Variants in PCDHGA1 observed in about 807,000 individuals in gnomAD.
PCDHGA1 encodes the protein protocadherin gamma subfamily A, 1.
A neutral mutation model predicts 58.0 loss-of-function variants in PCDHGA1; 32 were observed. That is an observed-to-expected ratio of 0.55 (90% CI 0.42 to 0.74). The LOEUF is 0.74. Ranked by LOEUF, PCDHGA1 falls within the 30% of genes least tolerant of loss-of-function variation. PCDHGA1 has a pLI of 0.00. For missense variants in PCDHGA1, 1,205 were observed against 1,182.3 expected (o/e 1.02, Z -0.28); for synonymous variants, 498 against 501.1 (o/e 0.99, Z 0.08).
chr5:141,375,784 C>A (rs562973702), intron 1 of PCDHGA1: 7 of 1,614,254 alleles, frequency 4.3e-6, no homozygotes, highest in Non-Finnish European at 5.1e-6. Flanking sequence ...ACCCCGCCCT[C>A]CCCACAGACG....
At chr5:141,339,748 C>A (rs1220367601) in intron 1 of PCDHGA1, 1 of 1,614,096 alleles carries the variant, frequency 6.2e-7, no homozygotes, top group Admixed American at 1.7e-5. Context: ...TCGTGGGCAC[C>A]CGGATACTCA....
At chr5:141,375,557 G>T (rs1160596322) in intron 1 of PCDHGA1, 1 of 1,613,988 alleles carries the variant, frequency 6.2e-7, no homozygotes, top group Admixed American at 1.7e-5. Context: ...CTACTCACTG[G>T]CAGAAGACAC....
At chr5:141,466,974 C>G (rs1314224956) in intron 1 of PCDHGA1, among the ~76,000 whole-genome samples, 1 of 151,944 alleles carries the variant, frequency 6.6e-6, no homozygotes, top group Non-Finnish European at 1.5e-5. Context: ...TCTCACAGCT[C>G]ATCATTTACC....
Position 141,478,316 on chromosome 5 carries a change from C to T in PCDHGA1, c.2422-16491C>T, listed in dbSNP as rs776948755. ...CCTATACCGAGCCCCGGTGAGCTCA[C>T]TGTACCGAACACCAGGGCCCTCCTT... On this transcript the variant is annotated intron_variant, in intron 1 of 3. Coordinates refer to ENST00000517417, the MANE Select transcript of PCDHGA1 (RefSeq NM_018912.3). 120 of 1,613,924 alleles carry T rather than the reference C, an allele frequency of 7.4e-5. 2 individuals carry two copies. In the South Asian group the frequency reaches 1.3e-3, roughly 18 times the overall value.
At chr5:141,379,501 T>C (rs969965140) in intron 1 of PCDHGA1, 7 of 152,268 alleles carry the variant, frequency 4.6e-5, no homozygotes, top group Non-Finnish European at 8.8e-5. Context: ...CAATTTGGGA[T>C]GTTAAACTAC....
intron 3 of PCDHGA1, chr5:141,507,424 G>C (rs577364087): frequency 6.6e-6 from 1 of 152,202 alleles, no homozygotes; most frequent in African/African-American, 2.4e-5. Context: ...GGTTAAGTGG[G>C]GCCAGGCCTA....
At position 141,490,370 on chromosome 5, in the gene PCDHGA1, G is replaced by A. The variant is rs768474199; in HGVS notation, c.2422-4437G>A. Reference sequence around the variant, plus strand: ...GTGGGGTTGTTTAATGTGCGAGACCGGGACTCAGGTAGAAATGGTGAAGTG... The same window carrying A: ...GTGGGGTTGTTTAATGTGCGAGACCAGGACTCAGGTAGAAATGGTGAAGTG... On this transcript the variant is annotated intron_variant, in intron 1 of 3. Coordinates refer to ENST00000517417, the MANE Select transcript of PCDHGA1 (RefSeq NM_018912.3). The surrounding 1 kb of genome is among the most constrained non-coding windows in gnomAD (Gnocchi z 5.4). 32 of 1,614,054 alleles carry A rather than the reference G, an allele frequency of 2.0e-5. No homozygotes were observed. The highest frequency in any genetic ancestry group is 1.0e-4 in the Admixed American group (6 of 60,006).
At position 141,487,329 on chromosome 5, in the gene PCDHGA1, C is replaced by T; in HGVS notation, c.2422-7478C>T. On this transcript the variant is annotated intron_variant, in intron 1 of 3. Coordinates refer to ENST00000517417, the MANE Select transcript of PCDHGA1 (RefSeq NM_018912.3). This position sits in a 1 kb window ranked among gnomAD's most constrained non-coding sequence, Gnocchi z 5.0. Reference sequence around the variant, plus strand: ...CTACTCTCTAAGTGTCTTCGTGGGGCAGCCTGTGGAGTCACATGCTTTCCT... The same window carrying T: ...CTACTCTCTAAGTGTCTTCGTGGGGTAGCCTGTGGAGTCACATGCTTTCCT... 1 of 1,614,170 alleles carries T rather than the reference C, an allele frequency of 6.2e-7. No homozygotes were observed. The highest frequency in any genetic ancestry group is 1.1e-5 in the South Asian group (1 of 91,070).
chr5:141,440,503 G>A (rs979260104), intron 1 of PCDHGA1: 10 of 152,154 alleles, frequency 6.6e-5, no homozygotes, highest in Non-Finnish European at 1.0e-4. Flanking sequence ...ACATTAATAT[G>A]GAGATTCAGG....
chr5:141,345,796 T>C lies in PCDHGA1; in HGVS notation c.2421+12691T>C, dbSNP rs199546235. On this transcript the variant is annotated intron_variant, in intron 1 of 3. Transcript: ENST00000517417. ...CGCTCCGCAGAGCCCGGCTACCTGG[T>C]GACCAAGGTGGTGGCGGTGGACAGA... is the stretch of plus-strand genomic sequence containing the variant. 323 of 1,613,940 alleles carry C rather than the reference T, an allele frequency of 2.0e-4. No individual in the cohort carries two copies. Among genetic ancestry groups the C allele is most frequent in the South Asian group, 1.0e-3 (91 of 91,060 alleles).
chr5:141,340,495 C>T, intron 1 of PCDHGA1: 3 of 1,614,226 alleles, frequency 1.9e-6, no homozygotes, highest in Non-Finnish European at 2.5e-6. Context: ...TCTCTATCAA[C>T]TCCGACACTG....
intron 1 of PCDHGA1, chr5:141,413,063 T>G: frequency 1.8e-6 from 2 of 1,142,610 alleles, no homozygotes; most frequent in East Asian, 5.1e-5. Context: ...CACTCCAGAA[T>G]TTAAAGTGCC....
At position 141,405,272 on chromosome 5, in the gene PCDHGA1, A is replaced by G. The variant is rs551265067; in HGVS notation, c.2421+72167A>G. The G allele has an allele frequency of 9.3e-6, 15 of 1,614,170 alleles. No individual in the cohort carries two copies. In the South Asian group the frequency reaches 1.6e-4, roughly 18 times the overall value. On this transcript the variant is annotated intron_variant, in intron 1 of 3. Transcript: ENST00000517417. ...GAGTCACCTGATCTTCCCCCAGCCC[A>G]ACTATGCAGACACACTCATCAGCCA...
chr5:141,383,043 C>T, intron 1 of PCDHGA1: 1 of 1,613,860 alleles, frequency 6.2e-7, no homozygotes, highest in Non-Finnish European at 8.5e-7. Flanking sequence ...TGGGAGACAT[C>T]GCCAAGGACC....
Position 141,431,137 on chromosome 5 carries a change from T to G in PCDHGA1, c.2422-63670T>G. 3 of 1,614,212 alleles carry G rather than the reference T, an allele frequency of 1.9e-6. No individual in the cohort carries two copies. The highest frequency in any genetic ancestry group is 2.2e-5 in the South Asian group (2 of 91,084). On this transcript the variant is annotated intron_variant, in intron 1 of 3. Coordinates refer to ENST00000517417, the MANE Select transcript of PCDHGA1 (RefSeq NM_018912.3). This position sits in a 1 kb window ranked among gnomAD's most constrained non-coding sequence, Gnocchi z 4.8. Reference sequence around the variant, plus strand: ...GAGTAGAAGTAGAAGTAAGGGACATTAACGACAATGCGCCTTACTTTCGTG... The same window carrying G: ...GAGTAGAAGTAGAAGTAAGGGACATGAACGACAATGCGCCTTACTTTCGTG...
intron 1 of PCDHGA1, chr5:141,413,119 G>C: frequency 6.6e-7 from 1 of 1,522,222 alleles, no homozygotes; most frequent in Non-Finnish European, 8.8e-7. Flanking sequence ...AAAGGAACCG[G>C]TTGAAACACA....
At chr5:141,419,904 C>G (rs2096446397) in intron 1 of PCDHGA1, 2 of 1,614,108 alleles carry the variant, frequency 1.2e-6, no homozygotes, top group Non-Finnish European at 1.7e-6. Flanking sequence ...CCCACACCCT[C>G]TGACTCCCAG....
intron 1 of PCDHGA1, among the ~76,000 whole-genome samples, chr5:141,353,499 C>T (rs1312979399): frequency 6.6e-6 from 1 of 152,158 alleles, no homozygotes; most frequent in Non-Finnish European, 1.5e-5. Context: ...TGTCTCATCA[C>T]AAGTAGCAAA....
At chr5:141,356,780 A>T in intron 1 of PCDHGA1, 1 of 1,613,938 alleles carries the variant, frequency 6.2e-7, no homozygotes, top group Non-Finnish European at 8.5e-7. Flanking sequence ...CAGTTTAGAG[A>T]CCTGCAGCTG....
Sources: gnomAD v4.1 joint callset for allele counts (sites outside exome capture counted in the v4.1 genomes callset) on GRCh38, gnomAD v4.1.1 for gene constraint, Gnocchi (gnomAD v3.1) non-coding constraint, MANE v1.5 for transcripts, NCBI Gene and HGNC (gene_info 2026-07-23, HGNC 2026-07-21) for gene names.